CPZ: variants seen among roughly 807,000 people sequenced by gnomAD.
CPZ encodes the protein VEZT/CPZ fusion.
A neutral mutation model predicts 61.8 loss-of-function variants in CPZ; 103 were observed. That is an observed-to-expected ratio of 1.67 (90% CI 1.42 to 1.96). The LOEUF (loss-of-function observed/expected upper bound fraction) is 1.96, where lower values mean the gene tolerates loss of function less well. CPZ is among the 30% of genes most tolerant of loss of function. The pLI is 0.00. For missense variants in CPZ, 1,461 were observed against 914.9 expected, an observed-to-expected ratio of 1.60 and a Z score of -7.70; for synonymous variants, 551 against 373.7, an observed-to-expected ratio of 1.47 and a Z score of -5.47.
chr4:8,606,706 C>T (rs776087504), intron 5 of CPZ, 31 bp from the exon 6 acceptor site: 1 of 1,613,672 alleles, frequency 6.2e-7, no homozygotes, highest in South Asian at 1.1e-5. Flanking sequence ...TGTGCTGACC[C>T]CACCCAGTCG....
At chr4:8,616,524 G>T (rs928611498) in intron 9 of CPZ, among the ~76,000 whole-genome samples, 1 of 152,204 alleles carries the variant, frequency 6.6e-6, no homozygotes. Context: ...TGGGGCCCTG[G>T]GGTAGGCCCC....
chr4:8,611,922 T>A (rs1205022617), intron 7 of CPZ, 105 bp from the exon 8 acceptor site: 23 of 1,503,500 alleles, frequency 1.5e-5, no homozygotes, highest in Non-Finnish European at 4.6e-6. Context: ...CTCTCCTATC[T>A]GCAATGCAGG....
In CPZ at chr4:8,606,161, C is replaced by G. The variant is rs546825512; in HGVS notation, c.882C>G (p.Asp294Glu). 1.9e-6 allele frequency: 3 copies of G among 1,614,054 alleles called. No homozygotes were observed. The highest frequency in any genetic ancestry group is 3.3e-5 in the Admixed American group (2 of 60,028). ...ACCTGCTGCCCTCCATGAACCCTGACGGCTATGAGGTGGCAGCTGCCGAGG... is the reference window on the plus strand; with the variant it reads ...ACCTGCTGCCCTCCATGAACCCTGAGGGCTATGAGGTGGCAGCTGCCGAGG... The part of the protein sequence containing the change: ...RIHLLPSMNP[D>E]GYEVAAAEGA... The change falls in exon 5 of 11, where the codon GAC becomes GAG. Residue 294 changes from aspartate to glutamate, a missense_variant. Asp to Glu is a conservative substitution (Grantham distance 45). Coordinates refer to ENST00000360986, the MANE Select transcript of CPZ (RefSeq NM_001014447.3).
intron 2 of CPZ, among the ~76,000 whole-genome samples, chr4:8,600,550 A>T (rs537432010): frequency 6.6e-6 from 1 of 152,306 alleles, no homozygotes; most frequent in South Asian, 2.1e-4. Flanking sequence ...AGCTGTGATG[A>T]GGAAGCAGGA....
At chr4:8,604,818 C>T (rs1714813820) in intron 4 of CPZ, among the ~76,000 whole-genome samples, 1 of 152,260 alleles carries the variant, frequency 6.6e-6, no homozygotes, top group African/African-American at 2.4e-5. Flanking sequence ...GAAAAATGCA[C>T]CTGCTCTTTG....
rs775887484 is a variant in CPZ at position 8,603,966 on chromosome 4, G to A, written c.497-10G>A. ...CTGACACTGACTGAGCCCCCCCACTGCTCCCCCAGGAGGCCTGGAGGCTGA... is the reference window on the plus strand; with the variant it reads ...CTGACACTGACTGAGCCCCCCCACTACTCCCCCAGGAGGCCTGGAGGCTGA... On this transcript the variant is annotated splice_polypyrimidine_tract_variant and intron_variant, in intron 3 of 10. Coordinates refer to ENST00000360986, the MANE Select transcript of CPZ (RefSeq NM_001014447.3). 3 of 1,611,278 alleles carry A rather than the reference G, an allele frequency of 1.9e-6. No homozygotes were observed. Among genetic ancestry groups the A allele is most frequent in the East Asian group, 4.5e-5 (2 of 44,856 alleles).
chr4:8,601,153 G>A lies in CPZ; in HGVS notation c.152G>A (p.Cys51Tyr), dbSNP rs752336349. 21 of 1,592,882 alleles carry A rather than the reference G, an allele frequency of 1.3e-5. No homozygotes were observed. Among genetic ancestry groups the A allele is most frequent in the Non-Finnish European group, 1.8e-5 (21 of 1,165,668 alleles). The change falls in exon 3 of 11, where the codon TGC becomes TAC. Residue 51 changes from cysteine (C) to tyrosine (Y), a missense_variant. Transcript: ENST00000360986. ...TGCGTGGACCTGCAGCTCAGGACCTGCAGCGATGCCGCCTACAACCACACC... is the reference window on the plus strand; with the variant it reads ...TGCGTGGACCTGCAGCTCAGGACCTACAGCGATGCCGCCTACAACCACACC... The part of the protein sequence containing the change: ...ATCVDLQLRT[C>Y]SDAAYNHTTF...
chr4:8,611,079 TTCGCTCATTCAC>T (rs1471728320), intron 7 of CPZ: 8 of 363,476 alleles, frequency 2.2e-5, no homozygotes, highest in Non-Finnish European at 4.7e-5. Context: ...CACTCATTCA[TTCGCTCATTCAC>T]TCACTCACTC....
At chr4:8,606,425 C>T (rs1047908741) in intron 5 of CPZ, among the ~76,000 whole-genome samples, 2 of 151,792 alleles carry the variant, frequency 1.3e-5, no homozygotes, top group Non-Finnish European at 2.9e-5. Context: ...GAAAGGGAGT[C>T]GATGGTGCCC....
chr4:8,616,763 C>G lies in CPZ; in HGVS notation c.1504-1666C>G, dbSNP rs76884570. ...TTCATCACCTCTCATGCAGGAAAAC[C>G]TTACTTTTTATGCTCTCCCTCCCGC... On this transcript the variant is annotated intron_variant, in intron 9 of 10. Coordinates refer to ENST00000360986, the MANE Select transcript of CPZ (RefSeq NM_001014447.3). Among the ~76,000 whole-genome samples, 919 of 152,274 alleles carry G rather than the reference C, an allele frequency of 6.0e-3. 8 individuals are homozygous for G. The highest frequency in any genetic ancestry group is 0.021 in the African/African-American group (876 of 41,544).
chr4:8,594,294 G>C (rs1281914688), intron 1 of CPZ, among the ~76,000 whole-genome samples: 1 of 152,218 alleles, frequency 6.6e-6, no homozygotes, highest in Non-Finnish European at 1.5e-5. Context: ...CTGCAGTGCA[G>C]GTCCCCCACC....
At chr4:8,619,106 AG>A (rs557642999) in intron 10 of CPZ, among the ~76,000 whole-genome samples, 155 bp from the exon 11 acceptor site, 1 of 152,138 alleles carries the variant, frequency 6.6e-6, no homozygotes, top group Non-Finnish European at 1.5e-5. Flanking sequence ...GACAGAGAAA[AG>A]GGGTGGGAAG....
At chr4:8,603,691 G>T (rs2109320374) in intron 3 of CPZ, 2 of 509,144 alleles carry the variant, frequency 3.9e-6, no homozygotes, top group South Asian at 4.9e-5. Flanking sequence ...CTTCCTTTCT[G>T]TTGTCCTGCT....
chr4:8,616,489 C>G (rs1313131228), intron 9 of CPZ, among the ~76,000 whole-genome samples: 1 of 152,198 alleles, frequency 6.6e-6, no homozygotes, highest in African/African-American at 2.4e-5. Context: ...GAGACCAGGG[C>G]TGGCAGAGAG....
chr4:8,619,264 C>G lies in CPZ; in HGVS notation c.1606C>G (p.Pro536Ala), dbSNP rs201449741. 9.3e-6 allele frequency: 15 copies of G among 1,608,700 alleles called. No individual in the cohort carries two copies. Among genetic ancestry groups the G allele is most frequent in the Non-Finnish European group, 1.3e-5 (15 of 1,177,730 alleles). Residue 536 changes from proline to alanine, a missense_variant and splice_region_variant, in exon 11 of 11, where the codon CCA (proline) becomes GCA (alanine). Pro to Ala is a conservative substitution (Grantham distance 27). Coordinates refer to ENST00000360986, the MANE Select transcript of CPZ (RefSeq NM_001014447.3). ...KGIRHDITTA[P>A]DGDYWRLLPP... ...ATTTTTAATCTATTTGTCCACAGCCCCAGATGGTGACTACTGGAGACTGCT... is the reference window on the plus strand; with the variant it reads ...ATTTTTAATCTATTTGTCCACAGCCGCAGATGGTGACTACTGGAGACTGCT...
rs1268333048 is a variant in CPZ at position 8,618,498 on chromosome 4, G to C, written c.1573G>C (p.Val525Leu). The part of the protein sequence containing the change: ...GKPVKNARIS[V>L]KGIRHDITTA... ...GCCAGTCAAAAACGCCCGGATCTCA[G>C]TCAAAGGCATTCGCCACGACATCAC... Residue 525 changes from valine (V) to leucine (L), a missense_variant, in exon 10 of 11, where the codon GTC becomes CTC. Coordinates refer to ENST00000360986, the MANE Select transcript of CPZ (RefSeq NM_001014447.3). 2 of 1,614,038 alleles carry C rather than the reference G, an allele frequency of 1.2e-6. No individual in the cohort carries two copies. Among genetic ancestry groups the C allele is most frequent in the South Asian group, 2.2e-5 (2 of 91,082 alleles).
In CPZ at chr4:8,592,937, G is replaced by T. The variant is rs1713901433; in HGVS notation, c.88+16G>T. ...AACCCCGCCGGTAAGGCCGTCCCCT[G>T]CCCCCACCCTCCACCCTCCACCCTG... On this transcript the variant is annotated intron_variant, in intron 1 of 10. Transcript: ENST00000360986. 2 of 1,520,834 alleles carry T rather than the reference G, an allele frequency of 1.3e-6. No homozygotes were observed. The highest frequency in any genetic ancestry group is 1.8e-6 in the Non-Finnish European group (2 of 1,132,718). The allele number at this position is 1,520,834 out of a possible 1,614,324, so 94.2% of individuals were successfully genotyped here.
intron 1 of CPZ, among the ~76,000 whole-genome samples, chr4:8,596,673 C>T (rs1163962551): frequency 2.0e-5 from 3 of 152,232 alleles, no homozygotes; most frequent in Non-Finnish European, 2.9e-5. Flanking sequence ...TCCCAATCTA[C>T]ACATGAGGAA....
chr4:8,611,294 C>T (rs963135307), intron 7 of CPZ: 10 of 456,036 alleles, frequency 2.2e-5, no homozygotes, highest in Non-Finnish European at 4.0e-5. Flanking sequence ...TACAGACGGC[C>T]CAGAGCCCCC....
Sources: gnomAD v4.1 joint callset for allele counts (sites outside exome capture counted in the v4.1 genomes callset) on GRCh38, gnomAD v4.1.1 for gene constraint, MANE v1.5 for transcripts, NCBI Gene and HGNC (gene_info 2026-07-23, HGNC 2026-07-21) for gene names.